Variants in EXOC1 observed in about 807,000 individuals in gnomAD.
The protein encoded by EXOC1 is SEC3-like 1.
In EXOC1, 67 loss-of-function variants were observed where a neutral mutation model predicts 107.7. The observed-to-expected ratio is 0.62, with a 90% CI of 0.51 to 0.76. EXOC1 has a LOEUF of 0.76. Among genes scored for constraint, EXOC1 ranks in the 30% least tolerant of loss-of-function variants. EXOC1 has a pLI of 0.00. For missense variants in EXOC1, 833 were observed against 1,055.7 expected, an observed-to-expected ratio of 0.79 and a Z score of 2.92; for synonymous variants, 348 against 353.5, an observed-to-expected ratio of 0.98 and a Z score of 0.17.
At chr4:55,882,733 A>G (rs1449241572) in intron 9 of EXOC1, 1 of 152,216 alleles carries the variant, frequency 6.6e-6, no homozygotes, top group Admixed American at 6.5e-5. Context: ...ATATACAAAT[A>G]TTTACACAAC....
chr4:55,885,383 G>A (rs1342544367), intron 10 of EXOC1, among the ~76,000 whole-genome samples: 1 of 152,136 alleles, frequency 6.6e-6, no homozygotes, highest in African/African-American at 2.4e-5. Context: ...GTATCTTAAT[G>A]TTATCATTGC....
chr4:55,877,605 G>A, intron 8 of EXOC1: 1 of 985,242 alleles, frequency 1.0e-6, no homozygotes, highest in Non-Finnish European at 1.2e-6. Flanking sequence ...TGTGAAATAT[G>A]GTATGAGAGA....
At chr4:55,894,181 C>T (rs551368115) in intron 15 of EXOC1, among the ~76,000 whole-genome samples, 18 of 152,104 alleles carry the variant, frequency 1.2e-4, no homozygotes, top group Admixed American at 7.2e-4. Context: ...AAAAATTAGC[C>T]GGGCGTGGTA....
intron 15 of EXOC1, among the ~76,000 whole-genome samples, chr4:55,895,294 G>A (rs1013080699): frequency 6.6e-6 from 1 of 152,216 alleles, no homozygotes; most frequent in Admixed American, 6.5e-5. Context: ...CTTAAACCCA[G>A]CCCCTCAATA....
chr4:55,885,958 T>A (rs1267814622), intron 10 of EXOC1, among the ~76,000 whole-genome samples: 1 of 152,208 alleles, frequency 6.6e-6, no homozygotes, highest in Non-Finnish European at 1.5e-5. Flanking sequence ...TGGCTTATAA[T>A]TGTTCAACTT....
Position 55,896,823 on chromosome 4 carries a change from C to A in EXOC1, c.2060C>A (p.Ser687Ter). ...EFEEFAGLAE[S>*]IFKNAERRGD... Reference sequence around the variant, plus strand: ...GAAGAATTTGCTGGACTTGCAGAATCAATCTTCAAAAATGCTGAGCGTCGT... The same window carrying A: ...GAAGAATTTGCTGGACTTGCAGAATAAATCTTCAAAAATGCTGAGCGTCGT... The change falls in exon 16 of 19, where the codon TCA becomes TAA. Residue 687 changes from serine (S) to a stop codon, truncating the protein, a stop_gained. Coordinates refer to ENST00000381295, the MANE Select transcript of EXOC1 (RefSeq NM_001024924.2). LOFTEE classifies it high-confidence loss of function. The A allele has an allele frequency of 6.2e-7, 1 of 1,611,792 alleles. No individual in the cohort carries two copies. Among genetic ancestry groups the A allele is most frequent in the South Asian group, 1.1e-5 (1 of 90,520 alleles).
intron 7 of EXOC1, 66 bp downstream of exon 7, chr4:55,871,299 A>C: frequency 6.5e-7 from 1 of 1,547,830 alleles, no homozygotes; most frequent in Non-Finnish European, 8.8e-7. Flanking sequence ...ACTTGTTATA[A>C]AGGTTTTGAC....
rs904045818 is a variant in EXOC1, at chr4:55,872,394, C to G, written c.1074+436C>G. On this transcript the variant is annotated intron_variant, in intron 8 of 18. Coordinates refer to ENST00000381295, the MANE Select transcript of EXOC1 (RefSeq NM_001024924.2). ...CATAGTATAATTGTTAAGAAAATGACTAGCTCAACTGCAAATTTCAGTTGA... is the reference window on the plus strand; with the variant it reads ...CATAGTATAATTGTTAAGAAAATGAGTAGCTCAACTGCAAATTTCAGTTGA... Among the ~76,000 whole-genome samples, 4 of 151,536 alleles carry G rather than the reference C, an allele frequency of 2.6e-5. No individual in the cohort carries two copies. The East Asian group carries it at 5.8e-4, about 22-fold the overall frequency.
chr4:55,897,989 C>T (rs912332954), intron 16 of EXOC1, among the ~76,000 whole-genome samples: 4 of 152,154 alleles, frequency 2.6e-5, no homozygotes, highest in African/African-American at 9.7e-5. Flanking sequence ...GGCACAGTGG[C>T]CCACACCTGT....
At position 55,890,336 on chromosome 4, in the gene EXOC1, A is replaced by T; in HGVS notation, c.1489A>T (p.Asn497Tyr). The change falls in exon 12 of 19, where the codon AAC becomes TAC. Residue 497 changes from asparagine (N) to tyrosine (Y), a missense_variant. By Grantham distance (143) the Asn-to-Tyr change is moderately radical. This residue lies in a region of EXOC1 where 617 missense variants were observed against 701.3 expected (regional missense o/e 0.88). Coordinates refer to ENST00000381295, the MANE Select transcript of EXOC1 (RefSeq NM_001024924.2). ...GTCATCTTCCCTGTTGGATATGGGAAACATGTCTGCCTCTGATCTCGATGT... is the reference window on the plus strand; with the variant it reads ...GTCATCTTCCCTGTTGGATATGGGATACATGTCTGCCTCTGATCTCGATGT... The part of the protein sequence containing the change: ...SQSSSLLDMG[N>Y]MSASDLDVAD... 1 of 1,614,056 alleles carries T rather than the reference A, an allele frequency of 6.2e-7. No homozygotes were observed. The highest frequency in any genetic ancestry group is 1.3e-5 in the African/African-American group (1 of 75,040).
intron 3 of EXOC1, among the ~76,000 whole-genome samples, chr4:55,862,966 T>C (rs911376154): frequency 6.6e-6 from 1 of 152,142 alleles, no homozygotes; most frequent in Non-Finnish European, 1.5e-5. Flanking sequence ...GGTGGCACAA[T>C]CTTGGCTCAC....
At chr4:55,854,590 C>T (rs1196307722) in intron 1 of EXOC1, among the ~76,000 whole-genome samples, 1 of 152,184 alleles carries the variant, frequency 6.6e-6, no homozygotes, top group East Asian at 1.9e-4. Context: ...GTCATGTTGA[C>T]TACTGTAACC....
At position 55,874,190 on chromosome 4, in the gene EXOC1, C is replaced by T. The variant is rs530357687; in HGVS notation, c.1074+2232C>T. ...ACAGTTTATAGCAAATGTATAGTTACAACATTTACAAATATTGTACTGAAG... is the reference window on the plus strand; with the variant it reads ...ACAGTTTATAGCAAATGTATAGTTATAACATTTACAAATATTGTACTGAAG... On this transcript the variant is annotated intron_variant, in intron 8 of 18. Transcript: ENST00000381295. Among the ~76,000 whole-genome samples, 8 of 152,154 alleles carry T rather than the reference C, an allele frequency of 5.3e-5. No homozygotes were observed. The East Asian group carries it at 5.8e-4, about 11-fold the overall frequency.
chr4:55,868,288 C>G (rs1560335014), intron 4 of EXOC1, 48 bp from the exon 5 acceptor site: 2 of 1,521,686 alleles, frequency 1.3e-6, no homozygotes, highest in Non-Finnish European at 1.8e-6. Flanking sequence ...ATGTTATAGT[C>G]TTTTCTACTT....
chr4:55,890,084 C>A (rs1724340134), intron 11 of EXOC1, 139 bp from the exon 12 acceptor site: 1 of 720,208 alleles, frequency 1.4e-6, no homozygotes, highest in Non-Finnish European at 2.3e-6. Flanking sequence ...ACCACCTATC[C>A]CTTATAGAAG....
intron 1 of EXOC1, among the ~76,000 whole-genome samples, chr4:55,857,247 C>T (rs1311967997): frequency 1.8e-4 from 22 of 120,202 alleles, no homozygotes; most frequent in African/African-American, 6.2e-4. Flanking sequence ...GGCGCAGTCT[C>T]GGCTCACTGC....
chr4:55,871,372 T>G (rs1722422594), intron 7 of EXOC1, 139 bp downstream of exon 7: 3 of 1,122,036 alleles, frequency 2.7e-6, no homozygotes, highest in Non-Finnish European at 3.7e-6. Context: ...TTCACTGATT[T>G]CCCAACTTAT....
At chr4:55,866,747 A>G in intron 4 of EXOC1, 1 of 441,358 alleles carries the variant, frequency 2.3e-6, no homozygotes, top group Non-Finnish European at 3.0e-6. Context: ...TGTCTTTTGA[A>G]CTTTAACATG....
At chr4:55,856,163 G>A (rs1720950970) in intron 1 of EXOC1, among the ~76,000 whole-genome samples, 1 of 152,242 alleles carries the variant, frequency 6.6e-6, no homozygotes, top group Admixed American at 6.5e-5. Context: ...TATTTGTAAT[G>A]CACGCAATGA....
Sources: allele counts gnomAD v4.1 joint callset (sites outside exome capture counted in the v4.1 genomes callset), GRCh38; gene constraint gnomAD v4.1.1; regional missense constraint gnomAD v4.1.1; transcripts MANE v1.5; gene names NCBI Gene and HGNC (gene_info 2026-07-23, HGNC 2026-07-21).